EXOC4: variants seen among roughly 807,000 people sequenced by gnomAD.
EXOC4 encodes SEC8-like 1.
In EXOC4, 71 loss-of-function variants were observed where a neutral mutation model predicts 107.2. That is an observed-to-expected ratio of 0.66 (90% CI 0.55 to 0.81). The LOEUF is 0.81. Ranked by LOEUF, EXOC4 falls within the 30% of genes least tolerant of loss-of-function variation. The pLI is 0.00. For synonymous variants in EXOC4, 456 were observed against 441.2 expected (o/e 1.03, Z -0.42); for missense variants, 1,108 against 1,189.6 (o/e 0.93, Z 1.01).
chr7:133,604,233 TAC>T (rs1801877923), intron 9 of EXOC4, among the ~76,000 whole-genome samples: 1 of 152,214 alleles, frequency 6.6e-6, no homozygotes, highest in Non-Finnish European at 1.5e-5. Flanking sequence ...GAGGCTGCAT[TAC>T]AGTTATCTTT....
At position 133,503,415 on chromosome 7, in the gene EXOC4, A is replaced by G. The variant is rs146985164; in HGVS notation, c.1417+23277A>G. Among the ~76,000 whole-genome samples, 305 of 152,312 alleles carry G rather than the reference A, an allele frequency of 2.0e-3. 1 individual carries two copies. The highest frequency in any genetic ancestry group is 6.9e-3 in the African/African-American group (288 of 41,570). On this transcript the variant is annotated intron_variant, in intron 9 of 17. Coordinates refer to ENST00000253861, the MANE Select transcript of EXOC4 (RefSeq NM_021807.4). ...CCCCTCTGGTTTAGGAACATGATCCATTGATCTAGCCTATCATTCTTGCAA... is the reference window on the plus strand; with the variant it reads ...CCCCTCTGGTTTAGGAACATGATCCGTTGATCTAGCCTATCATTCTTGCAA...
Position 133,396,163 on chromosome 7 carries a change from G to T in EXOC4, c.1182+21161G>T, listed in dbSNP as rs1263002110. The T allele has an allele frequency of 2.0e-5, 3 of 152,156 alleles. 1 individual carries two copies. Among genetic ancestry groups the T allele is most frequent in the Admixed American group, 1.3e-4 (2 of 15,280 alleles). 9.4% of individuals were successfully genotyped at this position (152,156 alleles called of 1,614,324 possible). ...TGAGAAACTTGGAGGATGGAGCTCT[G>T]CAGTCTGTGTTTAGTAAGCCCTCCT... is the stretch of plus-strand genomic sequence containing the variant. On this transcript the variant is annotated intron_variant, in intron 7 of 17. Coordinates refer to ENST00000253861, the MANE Select transcript of EXOC4 (RefSeq NM_021807.4).
intron 7 of EXOC4, among the ~76,000 whole-genome samples, chr7:133,416,634 C>G (rs925890795): frequency 1.2e-4 from 18 of 152,212 alleles, no homozygotes; most frequent in African/African-American, 4.1e-4. Context: ...GCCATCAACA[C>G]TACCTCACTC....
chr7:133,833,504 G>A (rs2151240280), intron 11 of EXOC4, among the ~76,000 whole-genome samples: 1 of 152,310 alleles, frequency 6.6e-6, no homozygotes, highest in African/African-American at 2.4e-5. Flanking sequence ...GGGAAGAGAT[G>A]GCTTTGACCA....
At chr7:133,704,116 G>A (rs1794719875) in intron 10 of EXOC4, among the ~76,000 whole-genome samples, 1 of 152,028 alleles carries the variant, frequency 6.6e-6, no homozygotes, top group Non-Finnish European at 1.5e-5. Flanking sequence ...ATTTTAAAAG[G>A]AATAAATTAA....
intron 10 of EXOC4, among the ~76,000 whole-genome samples, chr7:133,647,378 G>T (rs1159706178): frequency 1.3e-5 from 2 of 152,106 alleles, no homozygotes; most frequent in East Asian, 1.9e-4. Context: ...GAGCCCTAGT[G>T]ATGAGCTCAG....
intron 7 of EXOC4, among the ~76,000 whole-genome samples, chr7:133,390,652 A>G (rs1440447435): frequency 1.3e-5 from 2 of 152,192 alleles, no homozygotes; most frequent in African/African-American, 4.8e-5. Flanking sequence ...AGGGTGGGGC[A>G]CCAACAGTTC....
At chr7:133,554,679 G>C (rs892036980) in intron 9 of EXOC4, among the ~76,000 whole-genome samples, 1 of 152,088 alleles carries the variant, frequency 6.6e-6, no homozygotes, top group South Asian at 2.1e-4. Context: ...CCTCCTGCAC[G>C]TCACTTTTCA....
Position 133,356,586 on chromosome 7 carries a change from G to A in EXOC4, c.1007+13G>A. On this transcript the variant is annotated intron_variant, in intron 6 of 17. Coordinates refer to ENST00000253861, the MANE Select transcript of EXOC4 (RefSeq NM_021807.4). ...AGAACCAACCAAGGTAGGTGGGAGTGTATTTTGTATTTTTGACAACTCTAT... is the reference window on the plus strand; with the variant it reads ...AGAACCAACCAAGGTAGGTGGGAGTATATTTTGTATTTTTGACAACTCTAT... The A allele has an allele frequency of 6.2e-7, 1 of 1,612,734 alleles. No individual in the cohort carries two copies.
chr7:133,645,656 C>T (rs941856344), intron 10 of EXOC4, among the ~76,000 whole-genome samples: 1 of 150,056 alleles, frequency 6.7e-6, no homozygotes, highest in Non-Finnish European at 1.5e-5. Context: ...TCTGTCAGAA[C>T]CAGGATATCA....
chr7:133,822,242 T>G (rs1291121759), intron 11 of EXOC4, among the ~76,000 whole-genome samples: 1 of 152,234 alleles, frequency 6.6e-6, no homozygotes, highest in Non-Finnish European at 1.5e-5. Flanking sequence ...TACCATCTCA[T>G]GCTTTATATA....
chr7:133,460,960 T>C (rs1048709347), intron 7 of EXOC4, among the ~76,000 whole-genome samples: 9 of 152,162 alleles, frequency 5.9e-5, no homozygotes, highest in African/African-American at 2.2e-4. Context: ...TATCCAGCAG[T>C]GTATGATTAA....
intron 7 of EXOC4, among the ~76,000 whole-genome samples, chr7:133,376,532 G>C (rs964187499): frequency 6.6e-6 from 1 of 152,184 alleles, no homozygotes; most frequent in African/African-American, 2.4e-5. Context: ...TGAGAAAAAA[G>C]AACACACTAG....
chr7:133,848,054 A>G (rs1798168947), intron 11 of EXOC4, among the ~76,000 whole-genome samples: 1 of 151,854 alleles, frequency 6.6e-6, no homozygotes, highest in African/African-American at 2.4e-5. Context: ...AATTCCTCAC[A>G]GCTATCCCAG....
intron 9 of EXOC4, among the ~76,000 whole-genome samples, chr7:133,508,001 A>G (rs1008668541): frequency 3.5e-4 from 53 of 152,258 alleles, no homozygotes; most frequent in African/African-American, 1.3e-3. Flanking sequence ...CAGAGGTTGC[A>G]GTGAACCAAG....
At chr7:133,432,064 C>T (rs928779763) in intron 7 of EXOC4, among the ~76,000 whole-genome samples, 1 of 151,978 alleles carries the variant, frequency 6.6e-6, no homozygotes, top group Non-Finnish European at 1.5e-5. Flanking sequence ...GTGAGAGATA[C>T]CCTAGGGAGG....
At chr7:133,566,331 G>A (rs1366702950) in intron 9 of EXOC4, among the ~76,000 whole-genome samples, 1 of 152,094 alleles carries the variant, frequency 6.6e-6, no homozygotes, top group African/African-American at 2.4e-5. Flanking sequence ...TATTTCATGG[G>A]CTTTAGAGTT....
chr7:133,963,971 A>T (rs747076854), intron 14 of EXOC4, among the ~76,000 whole-genome samples: 3 of 152,214 alleles, frequency 2.0e-5, no homozygotes, highest in Non-Finnish European at 4.4e-5. Flanking sequence ...TCTTGAAAGG[A>T]TGACTGTTAA....
chr7:133,528,367 G>A (rs1584979597), intron 9 of EXOC4, among the ~76,000 whole-genome samples: 1 of 152,234 alleles, frequency 6.6e-6, no homozygotes, highest in Middle Eastern at 3.4e-3. Context: ...AATTGTGAAA[G>A]TTCTGATTTT....
Sources: allele counts gnomAD v4.1 joint callset (sites outside exome capture counted in the v4.1 genomes callset), GRCh38; gene constraint gnomAD v4.1.1; transcripts MANE v1.5; gene names NCBI Gene and HGNC (gene_info 2026-07-23, HGNC 2026-07-21).